Variants in ATP10B observed in about 807,000 individuals in gnomAD.
The protein encoded by ATP10B is ATPase phospholipid transporting 10B (putative).
A neutral mutation model predicts 141.2 loss-of-function variants in ATP10B; 122 were observed. The observed-to-expected ratio is 0.86, with a 90% confidence interval of 0.75 to 1.00. The LOEUF (loss-of-function observed/expected upper bound fraction) is 1.00. ATP10B is among the 50% of genes least tolerant of loss of function. The pLI is 0.00. For synonymous variants in ATP10B, 685 were observed against 692.0 expected (o/e 0.99, Z 0.16); for missense variants, 1,876 against 1,825.3 (o/e 1.03, Z -0.51).
At chr5:160,899,058 G>C in the ATP10B span, among the ~76,000 whole-genome samples, 1 of 152,078 alleles carries the variant, frequency 6.6e-6, no homozygotes, top group South Asian at 2.1e-4. Context: ...ACGGGTCGAT[G>C]GGTATATCAA....
chr5:160,620,061 T>A (rs190431543), intron 15 of ATP10B, among the ~76,000 whole-genome samples: 1 of 152,224 alleles, frequency 6.6e-6, no homozygotes, highest in African/African-American at 2.4e-5. Context: ...GGATAATCCA[T>A]GTTTAAATGA....
chr5:160,638,796 G>A (rs1759615930), intron 10 of ATP10B, among the ~76,000 whole-genome samples: 1 of 152,198 alleles, frequency 6.6e-6, no homozygotes, highest in African/African-American at 2.4e-5. Flanking sequence ...CAGGACATGA[G>A]TTTTTCTCTT....
the ATP10B span, among the ~76,000 whole-genome samples, chr5:160,869,052 A>G: frequency 6.6e-6 from 1 of 152,334 alleles, no homozygotes; most frequent in Non-Finnish European, 1.5e-5. Context: ...AAGCTACTTT[A>G]TCTGTCAGCC....
upstream of ATP10B, among the ~76,000 whole-genome samples, chr5:160,854,319 C>T (rs1409087487): frequency 1.3e-5 from 2 of 152,084 alleles, no homozygotes; most frequent in African/African-American, 2.4e-5. Context: ...AATGCTATCC[C>T]TTCCCCTAGC....
the ATP10B span, among the ~76,000 whole-genome samples, chr5:160,887,116 G>T: frequency 3.3e-5 from 5 of 152,142 alleles, no homozygotes; most frequent in African/African-American, 1.2e-4. Flanking sequence ...TGCTGTTAAG[G>T]CTATGAGGCA....
chr5:160,675,403 T>C (rs1762962412), intron 6 of ATP10B, among the ~76,000 whole-genome samples: 1 of 152,180 alleles, frequency 6.6e-6, no homozygotes, highest in South Asian at 2.1e-4. Flanking sequence ...ATAGGGATTA[T>C]TAAGAGGTAA....
intron 1 of ATP10B, among the ~76,000 whole-genome samples, chr5:160,825,795 T>TC (rs1234560199): frequency 6.6e-6 from 1 of 152,128 alleles, no homozygotes; most frequent in Non-Finnish European, 1.5e-5. Flanking sequence ...CACATACTCC[T>TC]CTTCCCACCT....
intron 1 of ATP10B, among the ~76,000 whole-genome samples, chr5:160,828,277 T>C (rs1294489147): frequency 6.6e-6 from 1 of 152,138 alleles, no homozygotes; most frequent in Non-Finnish European, 1.5e-5. Flanking sequence ...ACAGGCAACC[T>C]ACAAAATGGG....
intron 1 of ATP10B, among the ~76,000 whole-genome samples, chr5:160,824,763 A>T (rs1774444944): frequency 1.3e-5 from 2 of 152,246 alleles, no homozygotes; most frequent in Admixed American, 6.5e-5. Flanking sequence ...TCTGTGGTAT[A>T]TGCAATCTTT....
At chr5:160,784,903 T>C (rs564785680) in intron 2 of ATP10B, among the ~76,000 whole-genome samples, 5 of 152,288 alleles carry the variant, frequency 3.3e-5, no homozygotes, top group South Asian at 2.1e-4. Context: ...TAGTTTTGTT[T>C]ATATATCCCC....
At chr5:160,636,081 G>T in intron 11 of ATP10B, 101 bp downstream of exon 11, 1 of 1,318,526 alleles carries the variant, frequency 7.6e-7, no homozygotes, top group Non-Finnish European at 1.0e-6. Flanking sequence ...AATCCAGTTT[G>T]TACTTTCTAG....
At chr5:160,764,203 T>C (rs907168907) in intron 2 of ATP10B, among the ~76,000 whole-genome samples, 1 of 152,022 alleles carries the variant, frequency 6.6e-6, no homozygotes, top group African/African-American at 2.4e-5. Flanking sequence ...CCCAAATCAT[T>C]CTATGAAGCC....
the ATP10B span, among the ~76,000 whole-genome samples, chr5:160,918,954 G>A: frequency 1.8e-4 from 27 of 151,324 alleles, no homozygotes; most frequent in South Asian, 2.1e-4. Context: ...GGCCGGGCGC[G>A]GTGGCTCACG....
At chr5:160,821,818 T>A (rs1244620389) in intron 1 of ATP10B, among the ~76,000 whole-genome samples, 1 of 152,096 alleles carries the variant, frequency 6.6e-6, no homozygotes, top group Non-Finnish European at 1.5e-5. Context: ...TGCAAAAGAA[T>A]GAAACTAGAC....
intron 6 of ATP10B, among the ~76,000 whole-genome samples, chr5:160,673,204 A>C (rs75079821): frequency 6.6e-6 from 1 of 152,202 alleles, no homozygotes; most frequent in African/African-American, 2.4e-5. Flanking sequence ...GTGAAAGCAC[A>C]TAACAGGTTT....
chr5:160,818,001 A>C (rs1773796609), intron 1 of ATP10B, among the ~76,000 whole-genome samples: 1 of 152,264 alleles, frequency 6.6e-6, no homozygotes, highest in Admixed American at 6.5e-5. Flanking sequence ...AATTAATTCA[A>C]GATGGATTAA....
At chr5:160,866,741 A>T in the ATP10B span, among the ~76,000 whole-genome samples, 1 of 152,240 alleles carries the variant, frequency 6.6e-6, no homozygotes, top group Admixed American at 6.5e-5. Flanking sequence ...CTTGTGGGGA[A>T]GGATGGGAGT....
intron 24 of ATP10B, among the ~76,000 whole-genome samples, chr5:160,585,995 T>C (rs1384089502): frequency 6.6e-6 from 1 of 152,210 alleles, no homozygotes; most frequent in African/African-American, 2.4e-5. Context: ...AGTTCCGGGA[T>C]ACATGTACAG....
the ATP10B span, among the ~76,000 whole-genome samples, chr5:160,899,834 G>A: frequency 6.6e-6 from 1 of 152,118 alleles, no homozygotes; most frequent in African/African-American, 2.4e-5. Context: ...CACTGATTCT[G>A]GGAATTCTGG....
Sources: allele counts gnomAD v4.1 joint callset (sites outside exome capture counted in the v4.1 genomes callset), GRCh38; gene constraint gnomAD v4.1.1; transcripts MANE v1.5; gene names NCBI Gene and HGNC (gene_info 2026-07-23, HGNC 2026-07-21).